POU6F2: variants seen among roughly 807,000 people sequenced by gnomAD.
POU6F2 encodes the protein POU class 6 homeobox 2.
In POU6F2, 31 loss-of-function variants were observed where a neutral mutation model predicts 71.3. The ratio of observed to expected loss-of-function variants is 0.43; its 90% CI spans 0.33 to 0.59. POU6F2 has a LOEUF of 0.59. Ranked by LOEUF, POU6F2 falls within the 20% of genes least tolerant of loss-of-function variation. The pLI, the probability that POU6F2 is intolerant of heterozygous loss-of-function variation, is 0.04. For missense variants in POU6F2, 783 were observed against 856.8 expected (o/e 0.91, Z 1.07); for synonymous variants, 347 against 355.7 (o/e 0.98, Z 0.27).
At chr7:39,081,682 A>G (rs888629461) in intron 1 of POU6F2, among the ~76,000 whole-genome samples, 3 of 152,190 alleles carry the variant, frequency 2.0e-5, no homozygotes, top group Admixed American at 6.5e-5. Context: ...CATTCAAGCA[A>G]TGTCAGCCAG....
At chr7:39,243,063 A>G (rs918212104) in intron 4 of POU6F2, among the ~76,000 whole-genome samples, 2 of 152,188 alleles carry the variant, frequency 1.3e-5, no homozygotes, top group Non-Finnish European at 2.9e-5. Context: ...ATAAGAAATC[A>G]CCAAGCATAC....
Position 39,389,183 on chromosome 7 carries a change from A to G in POU6F2, c.973-17417A>G, listed in dbSNP as rs545598763. ...GCCATTTTACTTTTCTAAACACATC[A>G]GTGAAAATTTAGGGGAAAGAGTGTA... is the stretch of plus-strand genomic sequence containing the variant. On this transcript the variant is annotated intron_variant, in intron 5 of 9. Transcript: ENST00000518318. 4.2e-4 allele frequency among the ~76,000 whole-genome samples: 64 copies of G among 152,318 alleles called. 1 individual carries two copies. In the South Asian group the frequency reaches 0.01, roughly 24 times the overall value.
chr7:39,103,263 G>T (rs551203671), intron 2 of POU6F2, among the ~76,000 whole-genome samples: 2 of 152,332 alleles, frequency 1.3e-5, no homozygotes, highest in East Asian at 1.9e-4. Context: ...AAGCTAGAGG[G>T]ATGAATAATG....
intron 7 of POU6F2, among the ~76,000 whole-genome samples, chr7:39,448,772 A>G (rs972813815): frequency 1.3e-5 from 2 of 152,206 alleles, no homozygotes; most frequent in Non-Finnish European, 2.9e-5. Context: ...TATTGATGCA[A>G]TGGTAAAACC....
Position 39,433,153 on chromosome 7 carries a change from T to C in POU6F2, c.1190T>C (p.Val397Ala). 1 of 1,613,738 alleles carries C rather than the reference T, an allele frequency of 6.2e-7. No individual in the cohort carries two copies. Among genetic ancestry groups the C allele is most frequent in the Non-Finnish European group, 8.5e-7 (1 of 1,179,864 alleles). ...GCAAGCGGCACTCAGGGCTTGCAAGTGCAGCCAATCACCCCCCAGCTCCTC... is the reference window on the plus strand; with the variant it reads ...GCAAGCGGCACTCAGGGCTTGCAAGCGCAGCCAATCACCCCCCAGCTCCTC... Reference protein sequence around the residue: ...QAASGTQGLQVQPITPQLLTN... With the variant: ...QAASGTQGLQAQPITPQLLTN... The change falls in exon 7 of 10, where the codon GTG becomes GCG. Residue 397 changes from valine (V) to alanine (A), a missense_variant. Physicochemically the swap from Val to Ala is moderately conservative, Grantham distance 64. Around this residue, in one of 2 missense-constraint regions of POU6F2, gnomAD observed 572 missense variants for 572.9 expected, o/e 1.00. Coordinates refer to ENST00000518318, the MANE Select transcript of POU6F2 (RefSeq NM_001370959.1).
intron 2 of POU6F2, 63 bp downstream of exon 2, chr7:39,086,094 C>A: frequency 6.8e-7 from 1 of 1,465,914 alleles, no homozygotes; most frequent in Non-Finnish European, 9.2e-7. Context: ...AATCCAACCC[C>A]CCCAACCCCC....
Position 39,410,284 on chromosome 7 carries a change from G to A in POU6F2, c.1113+3544G>A, listed in dbSNP as rs568238143. Among the ~76,000 whole-genome samples, 71 of 152,274 alleles carry A rather than the reference G, an allele frequency of 4.7e-4. 1 individual carries two copies. The highest frequency in any genetic ancestry group is 3.4e-3 in the Middle Eastern group (1 of 294). On this transcript the variant is annotated intron_variant, in intron 6 of 9. Coordinates refer to ENST00000518318, the MANE Select transcript of POU6F2 (RefSeq NM_001370959.1). ...AGATTGTGCCACTGCACTCCAGCCTGGGTGACAGAGTGAGACCCTGTCTCC... is the reference window on the plus strand; with the variant it reads ...AGATTGTGCCACTGCACTCCAGCCTAGGTGACAGAGTGAGACCCTGTCTCC...
intron 2 of POU6F2, among the ~76,000 whole-genome samples, chr7:39,197,012 G>T (rs537886625): frequency 3.9e-4 from 59 of 152,340 alleles, no homozygotes; most frequent in Middle Eastern, 3.4e-3. Context: ...CCATGGCTGG[G>T]ATTTAATGCC....
At chr7:39,346,336 G>A (rs1786032419) in intron 5 of POU6F2, among the ~76,000 whole-genome samples, 1 of 152,194 alleles carries the variant, frequency 6.6e-6, no homozygotes, top group African/African-American at 2.4e-5. Flanking sequence ...AAAGCAGGAA[G>A]CATGTTCACA....
chr7:39,131,454 C>G (rs556833708), intron 2 of POU6F2, among the ~76,000 whole-genome samples: 1 of 152,316 alleles, frequency 6.6e-6, no homozygotes, highest in East Asian at 1.9e-4. Flanking sequence ...GGCGGTGGCA[C>G]GCTGCTGCTG....
At chr7:39,112,384 A>T (rs1030157388) in intron 2 of POU6F2, among the ~76,000 whole-genome samples, 3 of 152,230 alleles carry the variant, frequency 2.0e-5, no homozygotes, top group Admixed American at 2.0e-4. Flanking sequence ...ACATAGCACA[A>T]AACTTTATGA....
intron 5 of POU6F2, among the ~76,000 whole-genome samples, chr7:39,363,330 T>A (rs1786430286): frequency 6.6e-6 from 1 of 152,072 alleles, no homozygotes; most frequent in Non-Finnish European, 1.5e-5. Context: ...TCCCCATTGA[T>A]CGAGGTAAGG....
intron 1 of POU6F2, among the ~76,000 whole-genome samples, chr7:39,064,541 A>G (rs1442513953): frequency 6.6e-6 from 1 of 151,902 alleles, no homozygotes. Context: ...AATGACAGAA[A>G]ATAAAAATAA....
At chr7:39,295,119 A>C (rs1336648135) in intron 4 of POU6F2, among the ~76,000 whole-genome samples, 1 of 151,664 alleles carries the variant, frequency 6.6e-6, no homozygotes, top group African/African-American at 2.4e-5. Flanking sequence ...TGGTAGTCCT[A>C]AGCAAGATTG....
rs540772661 is a variant in POU6F2, at chr7:39,083,344, G to T, written c.106-2516G>T. Among the ~76,000 whole-genome samples the T allele has an allele frequency of 2.0e-4, 30 of 152,210 alleles. 1 individual carries two copies. Among genetic ancestry groups the T allele is most frequent in the Middle Eastern group, 3.4e-3 (1 of 294 alleles). On this transcript the variant is annotated intron_variant, in intron 1 of 9. Coordinates refer to ENST00000518318, the MANE Select transcript of POU6F2 (RefSeq NM_001370959.1). Reference sequence around the variant, plus strand: ...GAGACTGGGTGTCTTAAAGGTATAGGTCACACCCCTTCCTCTAGATTAGAG... The same window carrying T: ...GAGACTGGGTGTCTTAAAGGTATAGTTCACACCCCTTCCTCTAGATTAGAG...
rs776827622 is a variant in POU6F2 at position 39,085,962 on chromosome 7, G to A, written c.208G>A (p.Glu70Lys). ...GEDKAATSDS[E>K]LNEPLLAPVE... ...GGACAAGGCTGCTACTTCAGACAGC[G>A]AGCTGAATGAGCCCCTGCTTGCGCC... The change falls in exon 2 of 10, where the codon GAG becomes AAG. Residue 70 changes from glutamate (E) to lysine (K), a missense_variant. Glu to Lys is a moderately conservative substitution (Grantham distance 56, BLOSUM62 1). Around this residue, in one of 2 missense-constraint regions of POU6F2, gnomAD observed 572 missense variants for 572.9 expected, o/e 1.00. Transcript: ENST00000518318. 13 of 1,613,678 alleles carry A rather than the reference G, an allele frequency of 8.1e-6. 1 individual carries two copies. The South Asian group carries it at 1.2e-4, about 15-fold the overall frequency.
chr7:39,420,670 T>A (rs974479573), intron 6 of POU6F2, among the ~76,000 whole-genome samples: 2 of 152,224 alleles, frequency 1.3e-5, no homozygotes, highest in Non-Finnish European at 2.9e-5. Flanking sequence ...TGGATTAAGT[T>A]AATGGTTTTG....
rs147622973 is a variant in POU6F2, at chr7:39,377,346, G to A, written c.973-29254G>A. Among the ~76,000 whole-genome samples the A allele has an allele frequency of 8.1e-3, 1,232 of 152,130 alleles. 20 individuals are homozygous for A. The highest frequency in any genetic ancestry group is 0.028 in the African/African-American group (1,162 of 41,490). ...GAGTTTTGCCATGTTGGCCAGGCTG[G>A]TCTTGAACTCCTGACCTCAGGTGAT... is the stretch of plus-strand genomic sequence containing the variant. On this transcript the variant is annotated intron_variant, in intron 5 of 9. Transcript: ENST00000518318.
At position 39,324,359 on chromosome 7, in the gene POU6F2, C is replaced by G. The variant is rs183452313; in HGVS notation, c.599-15283C>G. Among the ~76,000 whole-genome samples the G allele has an allele frequency of 8.8e-3, 1,340 of 152,254 alleles. 4 individuals carry two copies. The highest frequency in any genetic ancestry group is 0.014 in the Non-Finnish European group (945 of 68,016). The stretch of plus-strand genomic sequence containing the variant: ...GTGGTGCCACGTGACCAGTGCTGGC[C>G]AGTGAGTTTCAAGAGAAAGTGATGG... On this transcript the variant is annotated intron_variant, in intron 4 of 9. Coordinates refer to ENST00000518318, the MANE Select transcript of POU6F2 (RefSeq NM_001370959.1).
Sources: gnomAD v4.1 joint callset for allele counts (sites outside exome capture counted in the v4.1 genomes callset) on GRCh38, gnomAD v4.1.1 for gene constraint, gnomAD v4.1.1 regional missense constraint, MANE v1.5 for transcripts, NCBI Gene and HGNC (gene_info 2026-07-23, HGNC 2026-07-21) for gene names.